EPHB1: variants seen among roughly 807,000 people sequenced by gnomAD.
EPHB1 encodes the protein EPH receptor B1, also known as ephrin type-B receptor 1.
Under a neutral mutation model 94.4 loss-of-function variants are expected in EPHB1, and 30 were observed. The observed-to-expected ratio is 0.32, with a 90% CI of 0.24 to 0.43. The LOEUF is 0.43. Ranked by LOEUF, EPHB1 falls within the 20% of genes least tolerant of loss-of-function variation. EPHB1 has a pLI of 1.00. For synonymous variants in EPHB1, 522 were observed against 489.1 expected, an observed-to-expected ratio of 1.07 and a Z score of -0.89; for missense variants, 1,055 against 1,308.3, an observed-to-expected ratio of 0.81 and a Z score of 2.99.
At chr3:135,054,398 T>C (rs1937287658) in intron 3 of EPHB1, among the ~76,000 whole-genome samples, 1 of 152,100 alleles carries the variant, frequency 6.6e-6, no homozygotes, top group South Asian at 2.1e-4. Context: ...TTTATCCAGC[T>C]GTATTTTTCA....
At chr3:135,130,520 A>G (rs1333126506) in intron 4 of EPHB1, among the ~76,000 whole-genome samples, 3 of 152,182 alleles carry the variant, frequency 2.0e-5, no homozygotes, top group East Asian at 3.9e-4. Flanking sequence ...AGGGTGTGCA[A>G]TGTAGATAGA....
chr3:135,005,665 C>T (rs901384070), intron 3 of EPHB1, among the ~76,000 whole-genome samples: 66 of 152,264 alleles, frequency 4.3e-4, no homozygotes, highest in Middle Eastern at 3.2e-3. Flanking sequence ...TCCTGGTGCG[C>T]TGTTTTTTAA....
intron 1 of EPHB1, among the ~76,000 whole-genome samples, chr3:134,861,529 G>T (rs188615521): frequency 1.3e-5 from 2 of 152,268 alleles, no homozygotes; most frequent in African/African-American, 4.8e-5. Context: ...ACGGATTTCA[G>T]AATAAGGAAA....
intron 4 of EPHB1, among the ~76,000 whole-genome samples, chr3:135,106,821 T>C (rs1254110007): frequency 6.6e-6 from 1 of 152,222 alleles, no homozygotes; most frequent in Non-Finnish European, 1.5e-5. Flanking sequence ...TTCTTCCCCC[T>C]TCTTCCCATA....
At chr3:134,849,105 G>A (rs1341863625) in intron 1 of EPHB1, among the ~76,000 whole-genome samples, 1 of 152,200 alleles carries the variant, frequency 6.6e-6, no homozygotes, top group Non-Finnish European at 1.5e-5. Context: ...TGTGGTGCTT[G>A]GGCCAGCAGC....
chr3:135,200,965 G>A (rs920337729), intron 11 of EPHB1, among the ~76,000 whole-genome samples: 2 of 152,166 alleles, frequency 1.3e-5, no homozygotes, highest in Non-Finnish European at 2.9e-5. Flanking sequence ...CAGTCACTGT[G>A]GCTTTAGTAC....
chr3:134,921,461 G>C (rs1396970345), intron 1 of EPHB1, among the ~76,000 whole-genome samples: 1 of 152,088 alleles, frequency 6.6e-6, no homozygotes, highest in African/African-American at 2.4e-5. Flanking sequence ...TTTCTCATAG[G>C]CTCAGCCAGA....
At chr3:135,217,289 C>T (rs938720677) in intron 12 of EPHB1, among the ~76,000 whole-genome samples, 4 of 152,084 alleles carry the variant, frequency 2.6e-5, no homozygotes, top group African/African-American at 4.8e-5. Context: ...CAGACATTGC[C>T]GCTCCACCAG....
At chr3:135,164,541 G>A (rs1941596716) in intron 7 of EPHB1, among the ~76,000 whole-genome samples, 1 of 152,172 alleles carries the variant, frequency 6.6e-6, no homozygotes, top group Non-Finnish European at 1.5e-5. Context: ...GGGCATGGTG[G>A]CTCACACCTC....
chr3:134,916,456 G>C (rs1157431598), intron 1 of EPHB1, among the ~76,000 whole-genome samples: 2 of 152,246 alleles, frequency 1.3e-5, no homozygotes, highest in Non-Finnish European at 2.9e-5. Flanking sequence ...ATGGCAGGGT[G>C]GGGTGGGGAG....
At chr3:134,815,540 G>A (rs762291534) in intron 1 of EPHB1, among the ~76,000 whole-genome samples, 29 of 152,076 alleles carry the variant, frequency 1.9e-4, no homozygotes, top group Non-Finnish European at 4.1e-4. Flanking sequence ...GAATATGGGG[G>A]TTTCTGGTTC....
chr3:134,818,848 G>C (rs546120263), intron 1 of EPHB1, among the ~76,000 whole-genome samples: 3 of 152,340 alleles, frequency 2.0e-5, no homozygotes, highest in African/African-American at 7.2e-5. Context: ...GCACGTGCAA[G>C]TGTTTCTTTC....
chr3:135,014,485 A>G (rs574111382), intron 3 of EPHB1, among the ~76,000 whole-genome samples: 2 of 152,318 alleles, frequency 1.3e-5, no homozygotes, highest in East Asian at 1.9e-4. Context: ...TTATCCAGGT[A>G]TTTATTTAGT....
chr3:134,859,913 A>G (rs1267193332), intron 1 of EPHB1, among the ~76,000 whole-genome samples: 1 of 152,090 alleles, frequency 6.6e-6, no homozygotes, highest in Non-Finnish European at 1.5e-5. Context: ...TTTGCTTTAC[A>G]TAACCTCTAT....
At chr3:134,801,986 A>G (rs1388900202) in intron 1 of EPHB1, among the ~76,000 whole-genome samples, 4 of 152,228 alleles carry the variant, frequency 2.6e-5, no homozygotes, top group African/African-American at 7.2e-5. Context: ...TATCTGACTT[A>G]AAGTACAGGA....
At chr3:134,898,043 A>C (rs190062827) in intron 1 of EPHB1, among the ~76,000 whole-genome samples, 1 of 152,082 alleles carries the variant, frequency 6.6e-6, no homozygotes, top group African/African-American at 2.4e-5. Flanking sequence ...AAATAAATCA[A>C]TGTTATCTCT....
chr3:135,003,400 AG>A (rs1935261155), intron 3 of EPHB1, among the ~76,000 whole-genome samples: 1 of 150,334 alleles, frequency 6.7e-6, no homozygotes, highest in East Asian at 1.9e-4. Context: ...ATTTTGGAAT[AG>A]GTGTGGTGTG....
At chr3:135,041,156 T>C (rs1420161416) in intron 3 of EPHB1, among the ~76,000 whole-genome samples, 1 of 152,172 alleles carries the variant, frequency 6.6e-6, no homozygotes, top group Non-Finnish European at 1.5e-5. Context: ...TGTGTAGTGG[T>C]GGGCGTGCTA....
chr3:135,003,060 A>G (rs545388068), intron 3 of EPHB1, among the ~76,000 whole-genome samples: 2 of 151,844 alleles, frequency 1.3e-5, no homozygotes, highest in Admixed American at 6.6e-5. Flanking sequence ...TAGGGTGTCA[A>G]TTTTTGATCT....
Sources: allele counts gnomAD v4.1 joint callset (sites outside exome capture counted in the v4.1 genomes callset), GRCh38; gene constraint gnomAD v4.1.1; transcripts MANE v1.5; gene names NCBI Gene and HGNC (gene_info 2026-07-23, HGNC 2026-07-21).